Variants in RHBDF2 observed in about 807,000 individuals in gnomAD.
The protein encoded by RHBDF2 is inactive rhomboid protein 2.
RHBDF2 carries 38 observed loss-of-function variants against 95.2 expected under a neutral mutation model. That is an observed-to-expected ratio of 0.40 (90% CI 0.31 to 0.52). RHBDF2 has a LOEUF of 0.52. RHBDF2 is among the 20% of genes least tolerant of loss of function. The probability of loss-of-function intolerance (pLI) is 0.56; values close to 1 mark genes in which losing one functional copy is unlikely to be tolerated. For missense variants in RHBDF2, 863 were observed against 1,137.7 expected (o/e 0.76, Z 3.47); for synonymous variants, 442 against 462.0 (o/e 0.96, Z 0.55).
chr17:76,481,975 ACACAC>A (rs2073983073), intron 2 of RHBDF2: 1 of 96,314 alleles, frequency 1.0e-5, no homozygotes, highest in Admixed American at 9.8e-5. Flanking sequence ...ACACACACAC[ACACAC>A]ACACACACAC....
chr17:76,477,101 C>T (rs2073796498), intron 8 of RHBDF2, 77 bp from the exon 9 acceptor site: 1 of 1,610,704 alleles, frequency 6.2e-7, no homozygotes, highest in Non-Finnish European at 8.5e-7. Context: ...TCAGAAGGGG[C>T]TTGGGGGCCA....
At chr17:76,472,965 T>A in intron 17 of RHBDF2, 40 bp downstream of exon 17, 1 of 1,606,992 alleles carries the variant, frequency 6.2e-7, no homozygotes, top group Non-Finnish European at 8.5e-7. Flanking sequence ...TGGGTGGCCA[T>A]CACAGGGGTC....
chr17:76,490,212 G>A (rs1222211043), intron 1 of RHBDF2, among the ~76,000 whole-genome samples: 2 of 152,202 alleles, frequency 1.3e-5, no homozygotes, highest in Non-Finnish European at 2.9e-5. Context: ...GATGTCTCCC[G>A]CTTCTTTAAG....
chr17:76,490,780 G>A (rs1044035750), intron 1 of RHBDF2, among the ~76,000 whole-genome samples: 19 of 152,210 alleles, frequency 1.2e-4, no homozygotes, highest in African/African-American at 4.6e-4. Flanking sequence ...CATCTGAAGC[G>A]CTGCGCCTGG....
At chr17:76,478,495 T>C (rs978098603) in intron 6 of RHBDF2, among the ~76,000 whole-genome samples, 8 of 152,226 alleles carry the variant, frequency 5.3e-5, no homozygotes, top group African/African-American at 1.9e-4. Context: ...TAACAGGGAC[T>C]TGGAAAACCC....
chr17:76,483,426 C>T (rs552718692), intron 2 of RHBDF2, among the ~76,000 whole-genome samples: 14 of 152,174 alleles, frequency 9.2e-5, no homozygotes, highest in Middle Eastern at 6.8e-3. Context: ...GCTCGGATTA[C>T]GGGCATGCGC....
Position 76,472,799 on chromosome 17 carries a change from TG to T in RHBDF2, c.1950del (p.Ile651SerfsTer2). On this transcript the variant is annotated frameshift_variant, in exon 18 of 19. Transcript: ENST00000675367. LOFTEE classifies it high-confidence loss of function. Reference protein sequence around the residue: ...HCLVSVVFQMTILRDLEKLAG... With the variant: ...HCLVSVVFQMXILRDLEKLAG... ...GCCAGCTTCTCCAGGTCCCTCAGGA[TG>T]GTCATTTGAAAGACCACAGACACGA... The T allele has an allele frequency of 6.2e-7, 1 of 1,606,242 alleles. No individual in the cohort carries two copies. The highest frequency in any genetic ancestry group is 8.5e-7 in the Non-Finnish European group (1 of 1,176,360).
At chr17:76,474,980 G>T in intron 10 of RHBDF2, 50 bp downstream of exon 10, 1 of 1,489,924 alleles carries the variant, frequency 6.7e-7, no homozygotes, top group Non-Finnish European at 9.2e-7. Context: ...CGACACTGAG[G>T]CCTCCTAGGA....
At chr17:76,472,901 G>T in intron 17 of RHBDF2, 62 bp from the exon 18 acceptor site, 1 of 1,577,276 alleles carries the variant, frequency 6.3e-7, no homozygotes, top group Non-Finnish European at 8.6e-7. Flanking sequence ...AGTAGGCTTC[G>T]GCAGGTTGGG....
At chr17:76,491,355 C>A (rs2074294353) in intron 1 of RHBDF2, among the ~76,000 whole-genome samples, 1 of 152,174 alleles carries the variant, frequency 6.6e-6, no homozygotes, top group Admixed American at 6.5e-5. Flanking sequence ...GCATCTGTGC[C>A]AACCTCCTGA....
chr17:76,477,852 C>G, intron 6 of RHBDF2, 67 bp from the exon 7 acceptor site: 1 of 1,579,182 alleles, frequency 6.3e-7, no homozygotes, highest in Non-Finnish European at 8.6e-7. Flanking sequence ...AGCCCCAACA[C>G]CGAAGGAATC....
In RHBDF2 at chr17:76,471,553, A is replaced by G; in HGVS notation, c.*80T>C. The G allele has an allele frequency of 7.1e-7, 1 of 1,415,640 alleles. No individual in the cohort carries two copies. The allele number at this position is 1,415,640 out of a possible 1,614,324, so 87.7% of individuals were successfully genotyped here. ...TTGGGTCTCTGGCTCTCTGGCACACAGAGAGCGCTCTGCAGAGGGCAGCCC... is the reference window on the plus strand; with the variant it reads ...TTGGGTCTCTGGCTCTCTGGCACACGGAGAGCGCTCTGCAGAGGGCAGCCC... On this transcript the variant is annotated 3_prime_UTR_variant, in exon 19 of 19. Transcript: ENST00000675367.
Position 76,479,260 on chromosome 17 carries a change from A to G in RHBDF2, c.290T>C (p.Phe97Ser). Residue 97 changes from phenylalanine (F) to serine (S), a missense_variant, in exon 5 of 19, where the codon TTT becomes TCT. By Grantham distance (155) the Phe-to-Ser change is radical. Transcript: ENST00000675367. The part of the protein sequence containing the change: ...QSIRKGAAQW[F>S]GVSGDWEGQR... ...CCCCTCCCAGTCGCCGCTGACTCCA[A>G]ACCACTGGGCTGCGCCCCTGCGGAA... is the stretch of plus-strand genomic sequence containing the variant. The G allele has an allele frequency of 6.2e-7, 1 of 1,603,524 alleles. No homozygotes were observed. Among genetic ancestry groups the G allele is most frequent in the Non-Finnish European group, 8.5e-7 (1 of 1,178,580 alleles).
Position 76,480,062 on chromosome 17 carries a change from TATATATATA to T in RHBDF2, c.151-217_151-209del, listed in dbSNP as rs1180305688. 53 of 52,868 alleles carry T rather than the reference TATATATATA, an allele frequency of 1.0e-3. 3 individuals carry two copies. Among genetic ancestry groups the T allele is most frequent in the Non-Finnish European group, 7.3e-4 (17 of 23,158 alleles). The allele number at this position is 52,868 out of a possible 1,614,324, so 3.3% of individuals were successfully genotyped here. A position where few individuals can be genotyped will look rare whatever the true frequency, so the allele number is the denominator to read the frequency against. On this transcript the variant is annotated intron_variant, in intron 3 of 18. Transcript: ENST00000675367. Reference sequence around the variant, plus strand: ...GTGTGTTTGTATATGTATATATATATATATATATATTTTTTTTTTTTTTTTTTTTTTTTT... The same window carrying T: ...GTGTGTTTGTATATGTATATATATATTTTTTTTTTTTTTTTTTTTTTTTTT...
chr17:76,472,386 G>A (rs1257086727), intron 18 of RHBDF2: 5 of 585,296 alleles, frequency 8.5e-6, no homozygotes, highest in Non-Finnish European at 9.2e-6. Flanking sequence ...GACTGCCGAC[G>A]GCGCACGGAG....
intron 1 of RHBDF2, among the ~76,000 whole-genome samples, chr17:76,498,394 G>A (rs182289927): frequency 1.3e-5 from 2 of 152,356 alleles, no homozygotes; most frequent in Admixed American, 6.5e-5. Context: ...TCCAGAGTGC[G>A]AGGCACAGAG....
chr17:76,483,006 C>T (rs766287481), intron 2 of RHBDF2, among the ~76,000 whole-genome samples: 17 of 152,164 alleles, frequency 1.1e-4, no homozygotes, highest in Non-Finnish European at 1.5e-5. Context: ...ACCATCTCTA[C>T]TAAAATACAA....
Position 76,473,555 on chromosome 17 carries a change from G to A in RHBDF2, c.1733+93C>T, listed in dbSNP as rs571664645. On this transcript the variant is annotated intron_variant, in intron 15 of 18. Coordinates refer to ENST00000675367, the MANE Select transcript of RHBDF2 (RefSeq NM_001005498.4). ...ATTGGAGGGCATCGGCCCAGCGGCT[G>A]TGGGTGGTGACGGTGGAGGAGCAGA... 27 of 1,137,744 alleles carry A rather than the reference G, an allele frequency of 2.4e-5. No homozygotes were observed. In the Admixed American group the frequency reaches 5.0e-4, roughly 21 times the overall value. 70.5% of individuals were successfully genotyped at this position (1,137,744 alleles called of 1,614,324 possible). A position where few individuals can be genotyped will look rare whatever the true frequency, so the allele number is the denominator to read the frequency against.
intron 1 of RHBDF2, among the ~76,000 whole-genome samples, chr17:76,493,836 C>G (rs1225042969): frequency 1.3e-5 from 2 of 152,250 alleles, no homozygotes; most frequent in African/African-American, 4.8e-5. Context: ...ATCCCACGAA[C>G]AGCGGGTCCT....
Sources: gnomAD v4.1 joint callset for allele counts (sites outside exome capture counted in the v4.1 genomes callset) on GRCh38, gnomAD v4.1.1 for gene constraint, MANE v1.5 for transcripts, NCBI Gene and HGNC (gene_info 2026-07-23, HGNC 2026-07-21) for gene names.